Variants in SLC37A1 observed in about 807,000 individuals in gnomAD.
SLC37A1 encodes glucose-6-phosphate exchanger SLC37A1.
Under a neutral mutation model 75.3 loss-of-function variants are expected in SLC37A1, and 49 were observed. That is an observed-to-expected ratio of 0.65 (90% confidence interval 0.52 to 0.83). SLC37A1 has a LOEUF of 0.83. Ranked by LOEUF, SLC37A1 falls within the 40% of genes least tolerant of loss-of-function variation. The pLI is 0.00. For missense variants in SLC37A1, 566 were observed against 695.0 expected (o/e 0.81, Z 2.09); for synonymous variants, 268 against 292.1 (o/e 0.92, Z 0.84).
chr21:42,565,782 C>T, intron 14 of SLC37A1, 45 bp from the exon 15 acceptor site: 2 of 1,582,406 alleles, frequency 1.3e-6, no homozygotes, highest in South Asian at 1.1e-5. Context: ...TCTCGCACTG[C>T]TTGCAGCCAG....
chr21:42,534,657 G>A (rs749748975), intron 3 of SLC37A1, 41 bp from the exon 4 acceptor site: 9 of 1,590,494 alleles, frequency 5.7e-6, no homozygotes, highest in Middle Eastern at 1.7e-4. Context: ...CTCACTGAGG[G>A]CACTTCCTCT....
chr21:42,503,055 C>T (rs1195392225), intron 2 of SLC37A1: 1 of 152,040 alleles, frequency 6.6e-6, no homozygotes, highest in African/African-American at 2.4e-5. Flanking sequence ...TTCTATTTGT[C>T]ACTTACATTA....
chr21:42,520,921 A>G (rs146482236), intron 2 of SLC37A1, among the ~76,000 whole-genome samples: 30 of 152,358 alleles, frequency 2.0e-4, no homozygotes, highest in African/African-American at 6.7e-4. Context: ...GAGATTTACA[A>G]TAAATGAGAC....
chr21:42,528,272 TC>T (rs2054852411), intron 3 of SLC37A1, among the ~76,000 whole-genome samples: 2 of 152,306 alleles, frequency 1.3e-5, no homozygotes, highest in South Asian at 4.1e-4. Context: ...TGCAACCCTG[TC>T]CCTTCTATCT....
At chr21:42,577,801 A>G (rs435725) in intron 18 of SLC37A1, among the ~76,000 whole-genome samples, 75,772 of 152,120 alleles carry the variant, frequency 0.5, 21,121 homozygotes, top group Admixed American at 0.65. Flanking sequence ...CTGGTTATTT[A>G]CAAGAAACAC....
intron 8 of SLC37A1, 121 bp from the exon 9 acceptor site, chr21:42,546,982 C>T: frequency 8.6e-7 from 1 of 1,157,002 alleles, no homozygotes; most frequent in South Asian, 1.3e-5. Context: ...AATGTGAATC[C>T]TGCATACAGT....
Position 42,532,273 on chromosome 21 carries a change from G to A in SLC37A1, c.139-2425G>A, listed in dbSNP as rs113424867. Among the ~76,000 whole-genome samples the A allele has an allele frequency of 4.8e-3, 724 of 152,338 alleles. 9 individuals carry two copies. Among genetic ancestry groups the A allele is most frequent in the African/African-American group, 0.016 (678 of 41,574 alleles). On this transcript the variant is annotated intron_variant, in intron 3 of 19. Transcript: ENST00000352133. ...TTCTAATCGGATATGTTTTCCACAGGTGGTTCCTCCCCAGAAATATTAAAT... is the reference window on the plus strand; with the variant it reads ...TTCTAATCGGATATGTTTTCCACAGATGGTTCCTCCCCAGAAATATTAAAT...
At position 42,547,238 on chromosome 21, in the gene SLC37A1, C is replaced by A; in HGVS notation, c.768+98C>A. On this transcript the variant is annotated intron_variant, in intron 9 of 19. Transcript: ENST00000352133. The surrounding 1 kb of genome is among the most constrained non-coding windows in gnomAD (Gnocchi z 6.1). Reference sequence around the variant, plus strand: ...CTGTGCGGTGTCAGACAGAAACACACAGGGTAGACAGAAGTCCCACCCTCA... The same window carrying A: ...CTGTGCGGTGTCAGACAGAAACACAAAGGGTAGACAGAAGTCCCACCCTCA... The A allele has an allele frequency of 1.5e-6, 2 of 1,319,680 alleles. No homozygotes were observed. Among genetic ancestry groups the A allele is most frequent in the Non-Finnish European group, 2.2e-6 (2 of 918,348 alleles). The allele number at this position is 1,319,680 out of a possible 1,614,324, so 81.7% of individuals were successfully genotyped here.
Position 42,578,756 on chromosome 21 carries a change from C to A in SLC37A1, c.1522-980C>A, listed in dbSNP as rs1013988207. Among the ~76,000 whole-genome samples, 3 of 152,346 alleles carry A rather than the reference C, an allele frequency of 2.0e-5. No individual in the cohort carries two copies. In the East Asian group the frequency reaches 5.8e-4, roughly 29 times the overall value. ...GGGCCCCTGTTCTCTCCAGCTTGAA[C>A]TCACCTCATACAAGGGACTCCTAAG... On this transcript the variant is annotated intron_variant, in intron 18 of 19. Coordinates refer to ENST00000352133, the MANE Select transcript of SLC37A1 (RefSeq NM_001320537.2).
At chr21:42,567,307 G>C (rs1258680879) in intron 16 of SLC37A1, among the ~76,000 whole-genome samples, 1 of 152,228 alleles carries the variant, frequency 6.6e-6, no homozygotes, top group Non-Finnish European at 1.5e-5. Flanking sequence ...CCATCCTCAT[G>C]ACTCAGGCGC....
intron 2 of SLC37A1, among the ~76,000 whole-genome samples, chr21:42,522,416 G>C (rs190845439): frequency 6.6e-6 from 1 of 152,200 alleles, no homozygotes; most frequent in South Asian, 2.1e-4. Flanking sequence ...AGAGTGAAGC[G>C]TCTGCCTACC....
intron 17 of SLC37A1, among the ~76,000 whole-genome samples, chr21:42,571,986 C>G (rs1344763278): frequency 6.6e-6 from 1 of 152,184 alleles, no homozygotes; most frequent in Non-Finnish European, 1.5e-5. Flanking sequence ...TGCGACACAG[C>G]CCTAGCAGTC....
chr21:42,575,567 C>A (rs779777059), intron 18 of SLC37A1: 203 of 985,258 alleles, frequency 2.1e-4, no homozygotes, highest in Non-Finnish European at 2.3e-4. Context: ...GATGATGTCA[C>A]AGTCACATAG....
chr21:42,534,338 C>T (rs2055076170), intron 3 of SLC37A1, among the ~76,000 whole-genome samples: 2 of 152,168 alleles, frequency 1.3e-5, no homozygotes, highest in Admixed American at 1.3e-4. Flanking sequence ...AAAATGTACC[C>T]CTTCTTCCTT....
intron 9 of SLC37A1, among the ~76,000 whole-genome samples, chr21:42,549,229 C>T (rs2055497343): frequency 6.6e-6 from 1 of 152,168 alleles, no homozygotes; most frequent in African/African-American, 2.4e-5. Context: ...GCTTTTCTCA[C>T]CCAGGGGCGG....
At chr21:42,565,907 A>G in intron 15 of SLC37A1, 32 bp downstream of exon 15, 1 of 1,605,124 alleles carries the variant, frequency 6.2e-7, no homozygotes. Flanking sequence ...CTTTTCTTCC[A>G]CACACGTTTT....
chr21:42,519,162 A>G (rs1233113868), intron 2 of SLC37A1, among the ~76,000 whole-genome samples: 2 of 152,344 alleles, frequency 1.3e-5, no homozygotes, highest in Non-Finnish European at 2.9e-5. Context: ...TTAAACTGAC[A>G]AAAGACAGAC....
chr21:42,514,179 G>C lies in SLC37A1; in HGVS notation c.-717G>C, dbSNP rs1037284844. 1.3e-5 allele frequency: 2 copies of C among 152,056 alleles called. No individual in the cohort carries two copies. The highest frequency in any genetic ancestry group is 2.9e-5 in the Non-Finnish European group (2 of 67,974). 9.4% of individuals were successfully genotyped at this position (152,056 alleles called of 1,614,324 possible). On this transcript the variant is annotated 5_prime_UTR_variant, in exon 1 of 20. Coordinates refer to ENST00000352133, the MANE Select transcript of SLC37A1 (RefSeq NM_001320537.2). The surrounding 1 kb of genome is among the most constrained non-coding windows in gnomAD (Gnocchi z 4.8). The stretch of plus-strand genomic sequence containing the variant: ...TCTCAAGCTATTTTCGCGGAGGGAA[G>C]TCTTTGAAATACGACATCTAGAAGA...
rs1315217023 is a variant in SLC37A1 at position 42,567,027 on chromosome 21, C to T, written c.1313C>T (p.Thr438Ile). 1 of 1,609,242 alleles carries T rather than the reference C, an allele frequency of 6.2e-7. No homozygotes were observed. Among genetic ancestry groups the T allele is most frequent in the Admixed American group, 1.7e-5 (1 of 60,006 alleles). Residue 438 changes from threonine (T) to isoleucine (I), a missense_variant, in exon 16 of 20, where the codon ACA (threonine) becomes ATA (isoleucine). Thr to Ile is a moderately conservative substitution (Grantham distance 89). Coordinates refer to ENST00000352133, the MANE Select transcript of SLC37A1 (RefSeq NM_001320537.2). Reference sequence around the variant, plus strand: ...GGAGCCCTGGTCAGTGGGCCCTACACACTCATCACCACCGCCGTCTCCGCC... The same window carrying T: ...GGAGCCCTGGTCAGTGGGCCCTACATACTCATCACCACCGCCGTCTCCGCC... Reference protein sequence around the residue: ...LSGALVSGPYTLITTAVSADL... With the variant: ...LSGALVSGPYILITTAVSADL...
Sources: allele counts gnomAD v4.1 joint callset (sites outside exome capture counted in the v4.1 genomes callset), GRCh38; gene constraint gnomAD v4.1.1; non-coding constraint Gnocchi (gnomAD v3.1); transcripts MANE v1.5; gene names NCBI Gene and HGNC (gene_info 2026-07-23, HGNC 2026-07-21).